Variants in HECW2 observed in about 807,000 individuals in gnomAD.
HECW2 encodes the protein HECT, C2 and WW domain containing E3 ubiquitin protein ligase 2.
Under a neutral mutation model 175.2 loss-of-function variants are expected in HECW2, and 61 were observed. That is an observed-to-expected ratio of 0.35 (90% CI 0.28 to 0.43). The LOEUF (loss-of-function observed/expected upper bound fraction) is 0.43, where lower values mean the gene tolerates loss of function less well. Ranked by LOEUF, HECW2 falls within the 20% of genes least tolerant of loss-of-function variation. The pLI is 1.00. For missense variants in HECW2, 1,524 were observed against 2,000.5 expected, an observed-to-expected ratio of 0.76 and a Z score of 4.54; for synonymous variants, 671 against 731.0, an observed-to-expected ratio of 0.92 and a Z score of 1.32.
intron 1 of HECW2, among the ~76,000 whole-genome samples, chr2:196,496,896 C>G (rs1687412909): frequency 6.6e-6 from 1 of 152,064 alleles, no homozygotes; most frequent in Non-Finnish European, 1.5e-5. Context: ...TTCATTTTTC[C>G]AAACATTAAT....
intron 7 of HECW2, among the ~76,000 whole-genome samples, chr2:196,320,885 T>C (rs1435657040): frequency 1.3e-5 from 2 of 152,216 alleles, no homozygotes; most frequent in Non-Finnish European, 2.9e-5. Context: ...AAAAGGACAC[T>C]CACAGCTAAG....
At chr2:196,348,610 T>C (rs111832551) in intron 2 of HECW2, among the ~76,000 whole-genome samples, 5,843 of 152,190 alleles carry the variant, frequency 0.038, 361 homozygotes, top group African/African-American at 0.13. Flanking sequence ...ATTGCACCAC[T>C]GCACTGTAGC....
At chr2:196,317,174 G>T in intron 10 of HECW2, 100 bp downstream of exon 10, 1 of 914,170 alleles carries the variant, frequency 1.1e-6, no homozygotes, top group South Asian at 1.4e-5. Context: ...CCTTCCGCTT[G>T]AAGACCATGT....
intron 2 of HECW2, among the ~76,000 whole-genome samples, chr2:196,375,931 G>A (rs972165663): frequency 3.9e-5 from 6 of 152,110 alleles, no homozygotes; most frequent in East Asian, 1.9e-4. Context: ...AAGTACTTTC[G>A]CATGTACCTT....
intron 24 of HECW2, 61 bp downstream of exon 24, chr2:196,222,150 C>A: frequency 6.8e-7 from 1 of 1,481,300 alleles, no homozygotes; most frequent in Non-Finnish European, 9.2e-7. Context: ...GGAGTTAATT[C>A]TTCACTCATC....
At chr2:196,468,583 A>G (rs1213590310) in intron 1 of HECW2, among the ~76,000 whole-genome samples, 2 of 152,190 alleles carry the variant, frequency 1.3e-5, no homozygotes, top group East Asian at 1.9e-4. Context: ...TTTCTAACAA[A>G]CTTCTAAGTG....
At chr2:196,341,871 G>T (rs1429255954) in intron 3 of HECW2, among the ~76,000 whole-genome samples, 2 of 152,184 alleles carry the variant, frequency 1.3e-5, no homozygotes, top group Admixed American at 6.5e-5. Flanking sequence ...CAAAGTAACA[G>T]ATGTTAACCT....
At chr2:196,488,479 G>C (rs1008407312) in intron 1 of HECW2, among the ~76,000 whole-genome samples, 1 of 152,030 alleles carries the variant, frequency 6.6e-6, no homozygotes, top group Non-Finnish European at 1.5e-5. Flanking sequence ...TGGTAAGCAG[G>C]GAAAATCATT....
rs543201074 is a variant in HECW2 at position 196,343,796 on chromosome 2, A to C, written c.293-32T>G. 74 of 1,320,144 alleles carry C rather than the reference A, an allele frequency of 5.6e-5. 1 individual carries two copies. In the South Asian group the frequency reaches 8.6e-4, roughly 15 times the overall value. 81.8% of individuals were successfully genotyped at this position (1,320,144 alleles called of 1,614,324 possible). A position where few individuals can be genotyped will look rare whatever the true frequency, so the allele number is the denominator to read the frequency against. On this transcript the variant is annotated intron_variant, in intron 2 of 28. Coordinates refer to ENST00000644978, the MANE Select transcript of HECW2 (RefSeq NM_001348768.2). ...AAACCAAAGAAACACTTTTCAGATT[A>C]ATTATAACCTTTCTCTCCGTAGCAG... is the stretch of plus-strand genomic sequence containing the variant.
At position 196,318,648 on chromosome 2, in the gene HECW2, C is replaced by A; in HGVS notation, c.2242G>T (p.Ala748Ser). The change falls in exon 9 of 29, where the codon GCT (alanine) becomes TCT (serine). Residue 748 changes from alanine to serine, a missense_variant. This residue lies in a region of HECW2 where 604 missense variants were observed against 588.3 expected (regional missense o/e 1.03). Coordinates refer to ENST00000644978, the MANE Select transcript of HECW2 (RefSeq NM_001348768.2). ...QRRGSLEGAA[A>S]AAESPPQEEG... ...TCTTGCGGTGGGCTCTCGGCAGCAG[C>A]TGCAGCTCCCTCCAGGCTCCCCCTC... 6.2e-7 allele frequency: 1 copy of A among 1,600,930 alleles called. No individual in the cohort carries two copies. The highest frequency in any genetic ancestry group is 2.2e-5 in the East Asian group (1 of 44,692).
intron 1 of HECW2, among the ~76,000 whole-genome samples, chr2:196,527,787 C>T (rs111669577): frequency 0.036 from 5,406 of 152,266 alleles, 134 homozygotes; most frequent in Middle Eastern, 0.078. Flanking sequence ...GGGTTTATAG[C>T]CCTGTCCTAG....
chr2:196,326,970 A>G (rs1692177631), intron 5 of HECW2, among the ~76,000 whole-genome samples: 1 of 152,198 alleles, frequency 6.6e-6, no homozygotes, highest in Admixed American at 6.5e-5. Context: ...TCAGCAGGGA[A>G]CAGCTTTGAG....
In HECW2 at chr2:196,241,340, A is replaced by C. The variant is rs115729730; in HGVS notation, c.3650+744T>G. Among the ~76,000 whole-genome samples, 1,340 of 152,270 alleles carry C rather than the reference A, an allele frequency of 8.8e-3. 14 individuals are homozygous for C. Among genetic ancestry groups the C allele is most frequent in the African/African-American group, 0.03 (1,241 of 41,544 alleles). On this transcript the variant is annotated intron_variant, in intron 20 of 28. Transcript: ENST00000644978. ...GGCAGATGATTTTTTAGGGCAATGAAGGTGGATTTTAATCAAGCAAGCCTT... is the reference window on the plus strand; with the variant it reads ...GGCAGATGATTTTTTAGGGCAATGACGGTGGATTTTAATCAAGCAAGCCTT...
intron 2 of HECW2, among the ~76,000 whole-genome samples, chr2:196,432,160 T>G (rs1695732364): frequency 6.6e-6 from 1 of 152,110 alleles, no homozygotes. Flanking sequence ...CCGAATGTCC[T>G]CTAGGGGGCA....
At chr2:196,261,071 C>T (rs1689271731) in intron 17 of HECW2, among the ~76,000 whole-genome samples, 1 of 152,178 alleles carries the variant, frequency 6.6e-6, no homozygotes, top group South Asian at 2.1e-4. Flanking sequence ...ACACACCTGG[C>T]TGCCCTTAGG....
At chr2:196,520,178 G>A (rs1688306522) in intron 1 of HECW2, among the ~76,000 whole-genome samples, 1 of 151,988 alleles carries the variant, frequency 6.6e-6, no homozygotes, top group Admixed American at 6.6e-5. Flanking sequence ...CCATGATAAT[G>A]CAGAAGGCTA....
At chr2:196,308,771 G>T (rs1336959866) in intron 10 of HECW2, among the ~76,000 whole-genome samples, 9 of 152,158 alleles carry the variant, frequency 5.9e-5, no homozygotes, top group African/African-American at 2.2e-4. Context: ...TGAATGTTCA[G>T]AAGGCAGATT....
At chr2:196,283,378 T>A (rs1228413396) in intron 14 of HECW2, among the ~76,000 whole-genome samples, 1 of 134,676 alleles carries the variant, frequency 7.4e-6, no homozygotes, top group Non-Finnish European at 1.6e-5. Context: ...GAGAATACAC[T>A]TTTTTTTTTT....
intron 1 of HECW2, among the ~76,000 whole-genome samples, chr2:196,478,001 G>A (rs1257440123): frequency 2.6e-5 from 4 of 152,094 alleles, no homozygotes; most frequent in African/African-American, 7.2e-5. Context: ...GCAGTGAGCC[G>A]AGATCATGCC....
Sources: gnomAD v4.1 joint callset for allele counts (sites outside exome capture counted in the v4.1 genomes callset) on GRCh38, gnomAD v4.1.1 for gene constraint, gnomAD v4.1.1 regional missense constraint, MANE v1.5 for transcripts, NCBI Gene and HGNC (gene_info 2026-07-23, HGNC 2026-07-21) for gene names.